MAGEA4: variants seen among roughly 807,000 people sequenced by gnomAD.
MAGEA4 encodes the protein MAGE family member A4.
MAGEA4 carries 1 observed loss-of-function variant against 13.7 expected under a neutral mutation model. The observed-to-expected ratio is 0.07, with a 90% confidence interval of 0.03 to 0.35. The LOEUF is 0.35. Among genes scored for constraint, MAGEA4 ranks in the 10% least tolerant of loss-of-function variants. The pLI, the probability that MAGEA4 is intolerant of heterozygous loss-of-function variation, is 0.99. For synonymous variants in MAGEA4, 132 were observed against 101.1 expected (o/e 1.31, Z -1.83); for missense variants, 312 against 245.1 (o/e 1.27, Z -1.82).
chrX:151,923,584 C>T lies in MAGEA4; in HGVS notation c.-65-16C>T, dbSNP rs772334971. 10 of 1,210,367 alleles carry T rather than the reference C, an allele frequency of 8.3e-6. No individual in the cohort carries two copies. In the South Asian group the frequency reaches 1.4e-4, roughly 17 times the overall value. On this transcript the variant is annotated splice_polypyrimidine_tract_variant and intron_variant, in intron 2 of 2. Coordinates refer to ENST00000276344, the MANE Select transcript of MAGEA4 (RefSeq NM_001011548.1). ...GTTCTCAGCTGAGGTCTCTCACATG[C>T]TCCCTCTCTCCGTAGGCCTGTGGGT...
At chrX:151,918,856 C>G in intron 1 of MAGEA4, 2 of 463,397 alleles carry the variant, frequency 4.3e-6, no homozygotes, top group East Asian at 2.1e-4. Flanking sequence ...CGACCTCACC[C>G]TTCCCACCCC....
intron 1 of MAGEA4, among the ~76,000 whole-genome samples, chrX:151,919,278 C>T (rs1933271034): frequency 2.0e-5 from 2 of 97,979 alleles, no homozygotes; most frequent in Non-Finnish European, 4.1e-5. Context: ...TAAGAGAGGG[C>T]TAAGCGTACC....
Position 151,923,503 on chromosome X carries a change from A to AG in MAGEA4, c.-85dup. 1 of 1,202,712 alleles carries AG rather than the reference A, an allele frequency of 8.3e-7. No individual in the cohort carries two copies. Among genetic ancestry groups the AG allele is most frequent in the Non-Finnish European group, 1.1e-6 (1 of 891,971 alleles). On this transcript the variant is annotated 5_prime_UTR_variant, in exon 2 of 3. Transcript: ENST00000276344. Reference sequence around the variant, plus strand: ...GGACAGGATTCCCTGGAGGCCACAGAGGAGCACCAAGGAGAAGATCTGTAA... The same window carrying AG: ...GGACAGGATTCCCTGGAGGCCACAGAGGGAGCACCAAGGAGAAGATCTGTAA...
At chrX:151,920,918 C>G (rs977989208) in intron 1 of MAGEA4, among the ~76,000 whole-genome samples, 1 of 110,272 alleles carries the variant, frequency 9.1e-6, no homozygotes, top group African/African-American at 3.3e-5. Flanking sequence ...CCCTGGACTA[C>G]CCCGCGGAGG....
chrX:151,920,147 C>G (rs770552866), intron 1 of MAGEA4, among the ~76,000 whole-genome samples: 2 of 107,534 alleles, frequency 1.9e-5, no homozygotes, highest in East Asian at 6.0e-4. Context: ...TTTCTGCTTT[C>G]AACCCAGGGA....
intron 1 of MAGEA4, among the ~76,000 whole-genome samples, chrX:151,922,530 CAGTG>C (rs957037576): frequency 9.0e-6 from 1 of 111,359 alleles, no homozygotes; most frequent in African/African-American, 3.3e-5. Context: ...TTCCAGATCT[CAGTG>C]AGGTGAGGAC....
intron 1 of MAGEA4, among the ~76,000 whole-genome samples, chrX:151,921,332 C>T (rs1383248395): frequency 9.0e-6 from 1 of 111,617 alleles, no homozygotes; most frequent in Admixed American, 9.4e-5. Context: ...GGCCCAAGCT[C>T]TGTGGCGAGG....
chrX:151,923,889 C>T lies in MAGEA4; in HGVS notation c.225C>T (p.Thr75=). ...SPQGASALPT[T]ISFTCWRQPN... ...AGGGAGCCTCTGCCTTACCCACTAC[C>T]ATCAGCTTCACTTGCTGGAGGCAAC... Residue 75 remains threonine, a synonymous_variant, in exon 3 of 3, where the codon ACC becomes ACT. Coordinates refer to ENST00000276344, the MANE Select transcript of MAGEA4 (RefSeq NM_001011548.1). 8.3e-7 allele frequency: 1 copy of T among 1,211,661 alleles called. No individual in the cohort carries two copies. The highest frequency in any genetic ancestry group is 1.1e-6 in the Non-Finnish European group (1 of 895,515).
chrX:151,912,514 A>T (rs763083787), upstream of MAGEA4: 1 of 366,086 alleles, frequency 2.7e-6, no homozygotes, highest in Non-Finnish European at 5.3e-6. Flanking sequence ...CACGGAGGGA[A>T]GCAGGCGCAG....
In MAGEA4 at chrX:151,924,493, AG is replaced by A; in HGVS notation, c.832del (p.Ala278LeufsTer8). 8.3e-7 allele frequency: 1 copy of A among 1,212,025 alleles called. No homozygotes were observed. The highest frequency in any genetic ancestry group is 2.2e-5 in the Admixed American group (1 of 46,123). On this transcript the variant is annotated frameshift_variant, in exon 3 of 3. Transcript: ENST00000276344. LOFTEE classifies it high-confidence loss of function. ...GCGCTATGAGTTCCTGTGGGGTCCAAGGGCTCTGGCTGAAACCAGCTATGTG... is the reference window on the plus strand; with the variant it reads ...GCGCTATGAGTTCCTGTGGGGTCCAAGGCTCTGGCTGAAACCAGCTATGTG... ...PARYEFLWGPRALAETSYVKV... is the reference protein window; with the variant it reads ...PARYEFLWGPXALAETSYVKV...
intron 1 of MAGEA4, chrX:151,913,779 T>C: frequency 4.9e-6 from 1 of 202,489 alleles, no homozygotes; most frequent in Non-Finnish European, 7.4e-6. Context: ...AGTGTAAGAC[T>C]AGTGAGGGCA....
At position 151,924,598 on chromosome X, in the gene MAGEA4, G is replaced by C. The variant is rs746388689; in HGVS notation, c.934G>C (p.Glu312Gln). 7.6e-6 allele frequency: 9 copies of C among 1,189,425 alleles called. No individual in the cohort carries two copies. The South Asian group carries it at 1.5e-4, about 20-fold the overall frequency. Residue 312 changes from glutamate to glutamine, a missense_variant, in exon 3 of 3, where the codon GAG (glutamate) becomes CAG (glutamine). By Grantham distance (29) the Glu-to-Gln change is conservative (BLOSUM62 2). Transcript: ENST00000276344. ...YPSLREAALL[E>Q]EEEGV ...ATCCCTGCGTGAAGCAGCTTTGTTA[G>C]AGGAGGAAGAGGGAGTCTGAGCATG...
Position 151,923,688 on chromosome X carries a change from G to A in MAGEA4, c.24G>A (p.Gln8=), listed in dbSNP as rs746298946. 110 of 1,209,441 alleles carry A rather than the reference G, an allele frequency of 9.1e-5. No homozygotes were observed. In the Middle Eastern group the frequency reaches 1.8e-3, roughly 20 times the overall value. ...TCATGTCTTCTGAGCAGAAGAGTCAGCACTGCAAGCCTGAGGAAGGCGTTG... is the reference window on the plus strand; with the variant it reads ...TCATGTCTTCTGAGCAGAAGAGTCAACACTGCAAGCCTGAGGAAGGCGTTG... MSSEQKS[Q]HCKPEEGVEA... is the part of the protein sequence containing the mutation. The change falls in exon 3 of 3, where the codon CAG becomes CAA. Residue 8 remains glutamine, a synonymous_variant. Transcript: ENST00000276344.
Position 151,924,499 on chromosome X carries a change from C to T in MAGEA4, c.835C>T (p.Leu279=). The T allele has an allele frequency of 6.6e-6, 8 of 1,211,974 alleles. No homozygotes were observed. Among genetic ancestry groups the T allele is most frequent in the South Asian group, 3.5e-5 (2 of 56,983 alleles). ...RYEFLWGPRA[L]AETSYVKVLE... Reference sequence around the variant, plus strand: ...TGAGTTCCTGTGGGGTCCAAGGGCTCTGGCTGAAACCAGCTATGTGAAAGT... The same window carrying T: ...TGAGTTCCTGTGGGGTCCAAGGGCTTTGGCTGAAACCAGCTATGTGAAAGT... The change falls in exon 3 of 3, where the codon CTG becomes TTG. Residue 279 remains leucine (L), a synonymous_variant. Transcript: ENST00000276344.
In MAGEA4 at chrX:151,923,694, C is replaced by T. The variant is rs763535308; in HGVS notation, c.30C>T (p.Cys10=). 2.5e-6 allele frequency: 3 copies of T among 1,211,311 alleles called. No homozygotes were observed. The highest frequency in any genetic ancestry group is 3.5e-5 in the South Asian group (2 of 56,968). The part of the protein sequence containing the change: MSSEQKSQH[C]KPEEGVEAQE... ...CTTCTGAGCAGAAGAGTCAGCACTG[C>T]AAGCCTGAGGAAGGCGTTGAGGCCC... Residue 10 remains cysteine, a synonymous_variant, in exon 3 of 3, where the codon TGC becomes TGT. Transcript: ENST00000276344.
upstream of MAGEA4, chrX:151,912,508 G>C: frequency 2.7e-6 from 1 of 366,993 alleles, no homozygotes; most frequent in Non-Finnish European, 5.3e-6. Context: ...GAGATCCACG[G>C]AGGGAAGCAG....
At chrX:151,921,182 C>T (rs1933419931) in intron 1 of MAGEA4, among the ~76,000 whole-genome samples, 1 of 112,520 alleles carries the variant, frequency 8.9e-6, no homozygotes, top group South Asian at 3.7e-4. Flanking sequence ...CCTTGCCCTC[C>T]ACCCTCACCA....
intron 1 of MAGEA4, chrX:151,913,342 A>AC (rs1305092191): frequency 2.3e-5 from 3 of 132,633 alleles, no homozygotes; most frequent in Non-Finnish European, 3.9e-5. Flanking sequence ...CCTCCCAAAC[A>AC]CCCCACCACC....
chrX:151,920,089 T>C (rs1259973923), intron 1 of MAGEA4, among the ~76,000 whole-genome samples: 1 of 95,614 alleles, frequency 1.0e-5, no homozygotes, highest in Non-Finnish European at 2.1e-5. Flanking sequence ...TATGTCCTCA[T>C]CCCCCACCCC....
Sources: gnomAD v4.1 joint callset for allele counts (sites outside exome capture counted in the v4.1 genomes callset) on GRCh38, gnomAD v4.1.1 for gene constraint, MANE v1.5 for transcripts, NCBI Gene and HGNC (gene_info 2026-07-23, HGNC 2026-07-21) for gene names.